The following ARHGEF10 variants were observed in gnomAD, a reference collection of about 807,000 sequenced individuals.
ARHGEF10 encodes the protein Rho guanine nucleotide exchange factor (GEF) 10.
Under a neutral mutation model 147.4 loss-of-function variants are expected in ARHGEF10, and 140 were observed. The ratio of observed to expected loss-of-function variants is 0.95; its 90% CI spans 0.83 to 1.09. ARHGEF10 has a LOEUF of 1.09. ARHGEF10 is among the 50% of genes least tolerant of loss of function. ARHGEF10 has a pLI of 0.00. For synonymous variants in ARHGEF10, 902 were observed against 695.8 expected (o/e 1.30, Z -4.67); for missense variants, 2,222 against 1,752.7 (o/e 1.27, Z -4.78).
intron 11 of ARHGEF10, 67 bp downstream of exon 11, chr8:1,885,774 T>C: frequency 8.2e-7 from 1 of 1,224,976 alleles, no homozygotes; most frequent in Non-Finnish European, 1.2e-6. Flanking sequence ...AATATTTGTG[T>C]GTTTGATGCT....
chr8:1,957,422 G>C lies in ARHGEF10; in HGVS notation c.*159G>C. The C allele has an allele frequency of 9.7e-7, 1 of 1,026,526 alleles. No individual in the cohort carries two copies. Among genetic ancestry groups the C allele is most frequent in the Non-Finnish European group, 1.4e-6 (1 of 708,700 alleles). 63.6% of individuals were successfully genotyped at this position (1,026,526 alleles called of 1,614,324 possible). ...GCAATAGCGTAATGGTGGTGTCCCT[G>C]CCAATTCCTTCCTTCTCTTCTGTAC... is the stretch of plus-strand genomic sequence containing the variant. On this transcript the variant is annotated 3_prime_UTR_variant, in exon 29 of 29. Transcript: ENST00000349830.
chr8:1,831,752 G>A (rs1482538709), intron 1 of ARHGEF10, among the ~76,000 whole-genome samples: 2 of 152,222 alleles, frequency 1.3e-5, no homozygotes, highest in Non-Finnish European at 2.9e-5. Context: ...TGCACTGCTC[G>A]CTCCTGGACA....
intron 26 of ARHGEF10, among the ~76,000 whole-genome samples, chr8:1,935,396 C>G (rs1190243517): frequency 2.6e-5 from 4 of 152,206 alleles, no homozygotes; most frequent in Non-Finnish European, 5.9e-5. Flanking sequence ...TTGTCCACCA[C>G]TACAGCATCG....
rs576293315 is a variant in ARHGEF10, at chr8:1,894,397, A to T, written c.1265A>T (p.Tyr422Phe). 1 of 1,614,070 alleles carries T rather than the reference A, an allele frequency of 6.2e-7. No homozygotes were observed. The change falls in exon 13 of 29, where the codon TAT becomes TTT. Residue 422 changes from tyrosine to phenylalanine, a missense_variant. Transcript: ENST00000349830. ...TCTTTGCTCATTTTGTCTTAGCAAT[A>T]TGAGAAGCCGCTGTCTGAGATGGAG... ...VDALKRILEQYEKPLSEMEPK... is the reference protein window; with the variant it reads ...VDALKRILEQFEKPLSEMEPK...
chr8:1,911,572 C>T (rs768688281), intron 18 of ARHGEF10, among the ~76,000 whole-genome samples: 1 of 152,194 alleles, frequency 6.6e-6, no homozygotes, highest in Non-Finnish European at 1.5e-5. Context: ...CTTGCATTTA[C>T]AGAGAAGGTG....
chr8:1,833,144 A>C (rs1276329863), intron 1 of ARHGEF10, among the ~76,000 whole-genome samples: 2 of 101,058 alleles, frequency 2.0e-5, no homozygotes, highest in Non-Finnish European at 4.4e-5. Context: ...AGGCAGAGAC[A>C]GAAGCAGAGA....
chr8:1,824,334 GC>G, intron 1 of ARHGEF10, among the ~76,000 whole-genome samples: 2 of 152,090 alleles, frequency 1.3e-5, no homozygotes, highest in African/African-American at 4.8e-5. Context: ...AACGGCGCGG[GC>G]CTGGGCGGGG....
At chr8:1,931,179 G>A (rs191685643) in intron 25 of ARHGEF10, among the ~76,000 whole-genome samples, 94 of 152,328 alleles carry the variant, frequency 6.2e-4, no homozygotes, top group African/African-American at 2.1e-3. Flanking sequence ...GCCGAGAGCC[G>A]CCTCCCTGCT....
At chr8:1,926,904 C>G (rs970227108) in intron 23 of ARHGEF10, 48 of 294,326 alleles carry the variant, frequency 1.6e-4, no homozygotes, top group African/African-American at 1.1e-3. Context: ...GTTCCTGGTT[C>G]TTGCAAACCA....
At chr8:1,830,880 C>T (rs1803057037) in intron 1 of ARHGEF10, among the ~76,000 whole-genome samples, 1 of 152,236 alleles carries the variant, frequency 6.6e-6, no homozygotes, top group Non-Finnish European at 1.5e-5. Flanking sequence ...GCCTGAAATG[C>T]CACTGGAGCC....
intron 27 of ARHGEF10, 56 bp from the exon 28 acceptor site, chr8:1,952,649 C>A (rs924287122): frequency 6.2e-7 from 1 of 1,608,458 alleles, no homozygotes; most frequent in African/African-American, 1.3e-5. Context: ...CCGTCACCGC[C>A]CCACCAACTC....
intron 1 of ARHGEF10, among the ~76,000 whole-genome samples, chr8:1,833,400 A>AGGCAGAAACAGG (rs1563150451): frequency 3.9e-4 from 18 of 46,650 alleles, no homozygotes; most frequent in Middle Eastern, 0.036. Context: ...ACAGGGGCAG[A>AGGCAGAAACAGG]GACAGAGACA....
In ARHGEF10 at chr8:1,937,912, C is replaced by T. The variant is rs1398079226; in HGVS notation, c.3222+3970C>T. On this transcript the variant is annotated intron_variant, in intron 26 of 28. Coordinates refer to ENST00000349830, the MANE Select transcript of ARHGEF10 (RefSeq NM_014629.4). The surrounding 1 kb of genome is among the most constrained non-coding windows in gnomAD (Gnocchi z 4.9). ...TTCGGTGTTCCTGGAGTGACTGTGC[C>T]AGTGGAGGAGTCAGCATACCGGTGG... Among the ~76,000 whole-genome samples the T allele has an allele frequency of 2.0e-5, 3 of 151,656 alleles. No homozygotes were observed. Among genetic ancestry groups the T allele is most frequent in the Admixed American group, 1.3e-4 (2 of 15,236 alleles).
chr8:1,932,777 G>A (rs1813257400), intron 25 of ARHGEF10, among the ~76,000 whole-genome samples: 1 of 152,190 alleles, frequency 6.6e-6, no homozygotes, highest in African/African-American at 2.4e-5. Context: ...TCAGACACTT[G>A]TTTTGTATTC....
rs759210133 is a variant in ARHGEF10 at position 1,905,636 on chromosome 8, C to T, written c.1887C>T (p.Asp629=). Residue 629 remains aspartate (D), a synonymous_variant, in exon 17 of 29, where the codon GAC becomes GAT. Coordinates refer to ENST00000349830, the MANE Select transcript of ARHGEF10 (RefSeq NM_014629.4). ...ATATGATAGAAACAGTTTACAACGACAGAGGAGAGATTGTTAAAACCAAAG... is the reference window on the plus strand; with the variant it reads ...ATATGATAGAAACAGTTTACAACGATAGAGGAGAGATTGTTAAAACCAAAG... The part of the protein sequence containing the change: ...SDDMIETVYN[D]RGEIVKTKER... 7 of 1,614,050 alleles carry T rather than the reference C, an allele frequency of 4.3e-6. No homozygotes were observed. The highest frequency in any genetic ancestry group is 3.3e-5 in the Admixed American group (2 of 60,004).
At position 1,909,309 on chromosome 8, in the gene ARHGEF10, G is replaced by C. The variant is rs1811168283; in HGVS notation, c.1982G>C (p.Ser661Thr). The C allele has an allele frequency of 1.9e-6, 3 of 1,614,094 alleles. No individual in the cohort carries two copies. The highest frequency in any genetic ancestry group is 2.7e-5 in the African/African-American group (2 of 74,932). Reference sequence around the variant, plus strand: ...GGTCGTTTCAGCCCCTCTCATGACAGCCGTGTGATGAGCAGCCAGAGGTAC... The same window carrying C: ...GGTCGTTTCAGCCCCTCTCATGACACCCGTGTGATGAGCAGCCAGAGGTAC... ...ATVSSRPSHDSRVMSSQRYLL... is the reference protein window; with the variant it reads ...ATVSSRPSHDTRVMSSQRYLL... Residue 661 changes from serine (S) to threonine (T), a missense_variant, in exon 18 of 29, where the codon AGC becomes ACC. Ser to Thr is a moderately conservative substitution (Grantham distance 58). Coordinates refer to ENST00000349830, the MANE Select transcript of ARHGEF10 (RefSeq NM_014629.4).
At chr8:1,892,299 G>GTGTGTC (rs1331965232) in intron 11 of ARHGEF10, among the ~76,000 whole-genome samples, 70 of 150,102 alleles carry the variant, frequency 4.7e-4, no homozygotes, top group African/African-American at 1.6e-3. Flanking sequence ...GTGTGTGTGT[G>GTGTGTC]TGTGTGTGTG....
chr8:1,831,471 G>T (rs1803100462), intron 1 of ARHGEF10, among the ~76,000 whole-genome samples: 1 of 150,800 alleles, frequency 6.6e-6, no homozygotes, highest in Admixed American at 6.6e-5. Flanking sequence ...TGGAGGGACA[G>T]TGTGACATCC....
In ARHGEF10 at chr8:1,930,700, A is replaced by C. The variant is rs947918800; in HGVS notation, c.3079+1257A>C. Among the ~76,000 whole-genome samples, 6 of 152,192 alleles carry C rather than the reference A, an allele frequency of 3.9e-5. No individual in the cohort carries two copies. The East Asian group carries it at 1.2e-3, about 30-fold the overall frequency. On this transcript the variant is annotated intron_variant, in intron 25 of 28. Transcript: ENST00000349830. ...AGCCTGGGGTGTTATTTGCCCCCGG[A>C]CTTTGACACCTCCTCCTTGGGGAGG...
Sources: gnomAD v4.1 joint callset for allele counts (sites outside exome capture counted in the v4.1 genomes callset) on GRCh38, gnomAD v4.1.1 for gene constraint, Gnocchi (gnomAD v3.1) non-coding constraint, MANE v1.5 for transcripts, NCBI Gene and HGNC (gene_info 2026-07-23, HGNC 2026-07-21) for gene names.